Variants in ZNF385D observed in about 807,000 individuals in gnomAD.
ZNF385D encodes zinc finger protein 385D, also known as zinc finger protein 659.
In ZNF385D, 15 loss-of-function variants were observed where a neutral mutation model predicts 35.8. The observed-to-expected ratio is 0.42, with a 90% CI of 0.28 to 0.64. ZNF385D has a LOEUF of 0.64. Among genes scored for constraint, ZNF385D ranks in the 30% least tolerant of loss-of-function variants. The pLI is 0.23. For synonymous variants in ZNF385D, 212 were observed against 186.8 expected (o/e 1.13, Z -1.10); for missense variants, 474 against 494.6 (o/e 0.96, Z 0.39).
intron 2 of ZNF385D, among the ~76,000 whole-genome samples, chr3:22,305,129 A>AT (rs1703134404): frequency 6.6e-6 from 1 of 151,648 alleles, no homozygotes; most frequent in African/African-American, 2.4e-5. Flanking sequence ...TTATTACTTT[A>AT]TTTTTTGTAA....
At chr3:21,673,876 C>G (rs985963963) in intron 1 of ZNF385D, among the ~76,000 whole-genome samples, 2 of 152,078 alleles carry the variant, frequency 1.3e-5, no homozygotes, top group Non-Finnish European at 2.9e-5. Flanking sequence ...GTGTCAAAAT[C>G]TAGTCTCATT....
At chr3:22,250,890 C>A (rs887802431) in intron 2 of ZNF385D, among the ~76,000 whole-genome samples, 1 of 151,952 alleles carries the variant, frequency 6.6e-6, no homozygotes, top group Admixed American at 6.6e-5. Context: ...ATCCAAAGAC[C>A]CTTCAAGAAC....
intron 2 of ZNF385D, among the ~76,000 whole-genome samples, chr3:21,577,634 A>G (rs920413466): frequency 1.3e-5 from 2 of 152,130 alleles, no homozygotes; most frequent in African/African-American, 4.8e-5. Context: ...CCAACAGTGT[A>G]TAGAAAGAGT....
At chr3:21,840,956 G>A (rs754607030) in intron 3 of ZNF385D, among the ~76,000 whole-genome samples, 2 of 151,994 alleles carry the variant, frequency 1.3e-5, no homozygotes, top group Non-Finnish European at 2.9e-5. Context: ...CACAGGTAGT[G>A]GACATGTATC....
intron 3 of ZNF385D, among the ~76,000 whole-genome samples, chr3:21,913,494 G>T (rs1464117883): frequency 6.6e-6 from 1 of 152,058 alleles, no homozygotes; most frequent in African/African-American, 2.4e-5. Context: ...CAGGTATTAT[G>T]CTCATCCTTA....
intron 3 of ZNF385D, among the ~76,000 whole-genome samples, chr3:21,809,078 A>G (rs2072785538): frequency 6.6e-6 from 1 of 152,232 alleles, no homozygotes; most frequent in Non-Finnish European, 1.5e-5. Context: ...CATCTTATAT[A>G]GAACTAGAAA....
At chr3:22,238,236 G>A (rs1159807184) in intron 2 of ZNF385D, among the ~76,000 whole-genome samples, 11 of 151,036 alleles carry the variant, frequency 7.3e-5, no homozygotes, top group Non-Finnish European at 1.6e-4. Context: ...ATTGGAAAGT[G>A]CAAGTCTTCC....
At chr3:22,043,585 G>C (rs1698806901) in intron 3 of ZNF385D, among the ~76,000 whole-genome samples, 1 of 138,956 alleles carries the variant, frequency 7.2e-6, no homozygotes, top group Non-Finnish European at 1.6e-5. Flanking sequence ...AGGATGTACA[G>C]TATAGTGAAC....
At chr3:21,749,997 C>T (rs1173268042) in intron 1 of ZNF385D, among the ~76,000 whole-genome samples, 1 of 152,178 alleles carries the variant, frequency 6.6e-6, no homozygotes, top group Non-Finnish European at 1.5e-5. Context: ...TCTATCAAAC[C>T]TTTTAATATC....
chr3:22,084,451 T>C (rs1316850955), intron 3 of ZNF385D, among the ~76,000 whole-genome samples: 2 of 152,046 alleles, frequency 1.3e-5, no homozygotes, highest in African/African-American at 4.8e-5. Flanking sequence ...AAACAGACTT[T>C]AAACCAACAA....
chr3:21,777,126 T>C (rs577664078), intron 3 of ZNF385D, among the ~76,000 whole-genome samples: 2 of 152,106 alleles, frequency 1.3e-5, no homozygotes, highest in African/African-American at 2.4e-5. Context: ...AATTACATTA[T>C]GTAAACTAGA....
intron 3 of ZNF385D, among the ~76,000 whole-genome samples, chr3:22,144,205 A>G (rs78591841): frequency 0.049 from 7,400 of 152,318 alleles, 242 homozygotes; most frequent in Non-Finnish European, 0.076. Context: ...CAGAACCAGG[A>G]GTTCAAAAAT....
chr3:22,126,143 T>A (rs924887194), intron 3 of ZNF385D, among the ~76,000 whole-genome samples: 2 of 152,076 alleles, frequency 1.3e-5, no homozygotes, highest in African/African-American at 4.8e-5. Flanking sequence ...TTTTATCAAA[T>A]GCTTTTCCAG....
At chr3:21,632,308 G>A (rs2065305754) in intron 2 of ZNF385D, among the ~76,000 whole-genome samples, 1 of 152,052 alleles carries the variant, frequency 6.6e-6, no homozygotes, top group South Asian at 2.1e-4. Context: ...TAGACCATAA[G>A]GGTGAGATAA....
At chr3:21,671,254 G>A (rs1373827430) in intron 1 of ZNF385D, among the ~76,000 whole-genome samples, 2 of 151,938 alleles carry the variant, frequency 1.3e-5, no homozygotes, top group African/African-American at 4.8e-5. Context: ...TGTCAGAATG[G>A]CCAGCCTGCA....
chr3:21,976,973 G>C (rs1239003972), intron 3 of ZNF385D, among the ~76,000 whole-genome samples: 2 of 152,010 alleles, frequency 1.3e-5, no homozygotes, highest in African/African-American at 4.8e-5. Flanking sequence ...GGGCCACAGA[G>C]CAAGACTCCA....
intron 3 of ZNF385D, among the ~76,000 whole-genome samples, chr3:21,957,430 G>T (rs1376983215): frequency 6.6e-6 from 1 of 152,124 alleles, no homozygotes; most frequent in African/African-American, 2.4e-5. Flanking sequence ...CTGTAGACTT[G>T]TTGAATGGCT....
At chr3:22,146,977 A>C (rs920519357) in intron 3 of ZNF385D, among the ~76,000 whole-genome samples, 2 of 152,182 alleles carry the variant, frequency 1.3e-5, no homozygotes, top group Admixed American at 6.5e-5. Flanking sequence ...ACAGTAAGCT[A>C]ATCAAACGAA....
intron 3 of ZNF385D, among the ~76,000 whole-genome samples, chr3:21,991,838 A>C (rs918971967): frequency 6.6e-6 from 1 of 152,184 alleles, no homozygotes; most frequent in African/African-American, 2.4e-5. Context: ...AGTGGTAAGA[A>C]GTAGAATTTC....
Sources: gnomAD v4.1 joint callset for allele counts (sites outside exome capture counted in the v4.1 genomes callset) on GRCh38, gnomAD v4.1.1 for gene constraint, MANE v1.5 for transcripts, NCBI Gene and HGNC (gene_info 2026-07-23, HGNC 2026-07-21) for gene names.